Variants in DOCK5 observed in about 807,000 individuals in gnomAD.
The protein encoded by DOCK5 is dedicator of cytokinesis 5, also known as dedicator of cytokinesis protein 5.
Under a neutral mutation model 251.8 loss-of-function variants are expected in DOCK5, and 142 were observed. The ratio of observed to expected loss-of-function variants is 0.56; its 90% confidence interval spans 0.49 to 0.65. DOCK5 has a LOEUF of 0.65. DOCK5 is among the 30% of genes least tolerant of loss of function. DOCK5 has a pLI of 0.00. For missense variants in DOCK5, 2,111 were observed against 2,312.3 expected (o/e 0.91, Z 1.79); for synonymous variants, 842 against 835.5 (o/e 1.01, Z -0.13).
chr8:25,401,151 G>C, intron 47 of DOCK5, 85 bp downstream of exon 47: 1 of 1,548,720 alleles, frequency 6.5e-7, no homozygotes, highest in Admixed American at 1.8e-5. Context: ...GATGCCAAGT[G>C]AGTTGTAATA....
intron 5 of DOCK5, among the ~76,000 whole-genome samples, chr8:25,290,636 G>A (rs1804460466): frequency 2.8e-5 from 1 of 35,494 alleles, no homozygotes; most frequent in Non-Finnish European, 1.7e-4. Context: ...TCTTATCTCT[G>A]AAATTATAAT....
chr8:25,340,335 G>A (rs1805922348), intron 22 of DOCK5, among the ~76,000 whole-genome samples: 1 of 152,212 alleles, frequency 6.6e-6, no homozygotes, highest in African/African-American at 2.4e-5. Context: ...AAATGTACAT[G>A]TGTGTATTTG....
At chr8:25,251,314 T>C (rs1777466009) in intron 2 of DOCK5, among the ~76,000 whole-genome samples, 1 of 144,286 alleles carries the variant, frequency 6.9e-6, no homozygotes, top group Non-Finnish European at 1.6e-5. Flanking sequence ...ACAGCACATA[T>C]TATTTCAGGG....
chr8:25,278,355 G>A (rs1020615472), intron 4 of DOCK5, among the ~76,000 whole-genome samples: 1 of 152,190 alleles, frequency 6.6e-6, no homozygotes, highest in Non-Finnish European at 1.5e-5. Flanking sequence ...GGCTCATTCA[G>A]TTGCAGGAAC....
intron 2 of DOCK5, among the ~76,000 whole-genome samples, chr8:25,257,008 C>T (rs1214266587): frequency 6.6e-6 from 1 of 152,008 alleles, no homozygotes; most frequent in South Asian, 2.1e-4. Flanking sequence ...AGTCTGGACA[C>T]CCCTAGCATG....
intron 25 of DOCK5, among the ~76,000 whole-genome samples, chr8:25,342,891 A>G (rs11779942): frequency 1 from 151,036 of 151,038 alleles, 75,517 homozygotes; most frequent in Middle Eastern, 1. Flanking sequence ...ATTTTTAGTA[A>G]AGACGGGGTT....
chr8:25,363,187 A>G, intron 29 of DOCK5, 46 bp downstream of exon 29: 1 of 1,493,444 alleles, frequency 6.7e-7, no homozygotes, highest in Non-Finnish European at 9.3e-7. Flanking sequence ...CTGAATACCT[A>G]AGGCTGCTGT....
intron 1 of DOCK5, among the ~76,000 whole-genome samples, chr8:25,204,689 AGTC>A (rs1263661810): frequency 2.6e-5 from 4 of 152,210 alleles, no homozygotes; most frequent in African/African-American, 9.6e-5. Flanking sequence ...GTAATCCAGT[AGTC>A]TTTCTTCTAA....
At position 25,310,540 on chromosome 8, in the gene DOCK5, C is replaced by A; in HGVS notation, c.1318+8C>A. The A allele has an allele frequency of 6.2e-7, 1 of 1,602,398 alleles. No homozygotes were observed. The highest frequency in any genetic ancestry group is 8.5e-7 in the Non-Finnish European group (1 of 1,174,270). ...CTGAAATCATACTGCCAGGTAAGCA[C>A]TTTGCATGGCTCACCTGTTTGCTTC... On this transcript the variant is annotated splice_region_variant and intron_variant, in intron 13 of 51. Coordinates refer to ENST00000276440, the MANE Select transcript of DOCK5 (RefSeq NM_024940.8).
chr8:25,378,929 G>A (rs1026118436), intron 38 of DOCK5, among the ~76,000 whole-genome samples: 20 of 152,160 alleles, frequency 1.3e-4, no homozygotes, highest in Admixed American at 2.0e-4. Flanking sequence ...ATCACATATC[G>A]GTAGGACCGT....
intron 2 of DOCK5, among the ~76,000 whole-genome samples, chr8:25,259,048 G>C (rs1489197694): frequency 3.3e-5 from 5 of 152,162 alleles, no homozygotes; most frequent in Admixed American, 6.5e-5. Flanking sequence ...GAGCCCGGGG[G>C]GGCGGAGGTT....
At chr8:25,350,919 A>G (rs903331846) in intron 26 of DOCK5, among the ~76,000 whole-genome samples, 7 of 152,056 alleles carry the variant, frequency 4.6e-5, no homozygotes, top group Non-Finnish European at 2.9e-5. Flanking sequence ...AGACACAAAC[A>G]TTTACTCCAT....
At chr8:25,206,053 C>T (rs1244712998) in intron 1 of DOCK5, among the ~76,000 whole-genome samples, 1 of 152,078 alleles carries the variant, frequency 6.6e-6, no homozygotes, top group African/African-American at 2.4e-5. Flanking sequence ...TTTAGAGAAG[C>T]AGAGATTATT....
chr8:25,301,612 C>G (rs1349644035), intron 9 of DOCK5, among the ~76,000 whole-genome samples: 1 of 151,834 alleles, frequency 6.6e-6, no homozygotes, highest in Non-Finnish European at 1.5e-5. Flanking sequence ...TGTCTGTAAT[C>G]CCAGCACTTT....
At chr8:25,390,960 C>T (rs1354213135) in intron 42 of DOCK5, among the ~76,000 whole-genome samples, 17 of 152,030 alleles carry the variant, frequency 1.1e-4, no homozygotes, top group Admixed American at 9.2e-4. Flanking sequence ...AGGTACACGC[C>T]GCCACACCTG....
intron 37 of DOCK5, chr8:25,375,161 C>G (rs1194239508): frequency 7.8e-6 from 2 of 257,306 alleles, no homozygotes; most frequent in Non-Finnish European, 1.3e-5. Flanking sequence ...CAATATGCAG[C>G]TCAAACTGAA....
At chr8:25,189,981 G>A (rs922465282) in intron 1 of DOCK5, among the ~76,000 whole-genome samples, 1 of 152,162 alleles carries the variant, frequency 6.6e-6, no homozygotes, top group African/African-American at 2.4e-5. Context: ...CTGCCTCCTG[G>A]GTTCAAGCGA....
At chr8:25,228,132 C>T (rs557379736) in intron 1 of DOCK5, among the ~76,000 whole-genome samples, 2 of 152,302 alleles carry the variant, frequency 1.3e-5, no homozygotes, top group South Asian at 4.1e-4. Flanking sequence ...CTGCCTTGGC[C>T]TCCCAAAGTG....
intron 8 of DOCK5, among the ~76,000 whole-genome samples, chr8:25,300,322 C>CA (rs1303654715): frequency 6.6e-6 from 1 of 152,234 alleles, no homozygotes; most frequent in East Asian, 1.9e-4. Flanking sequence ...CCACCAGGAG[C>CA]AGTGGGTTTC....
Sources: allele counts gnomAD v4.1 joint callset (sites outside exome capture counted in the v4.1 genomes callset), GRCh38; gene constraint gnomAD v4.1.1; transcripts MANE v1.5; gene names NCBI Gene and HGNC (gene_info 2026-07-23, HGNC 2026-07-21).